The following NMT2 variants were observed in gnomAD, a reference collection of about 807,000 sequenced individuals.
NMT2 encodes the protein N-myristoyltransferase 2, also known as glycylpeptide N-tetradecanoyltransferase 2.
NMT2 carries 35 observed loss-of-function variants against 65.4 expected under a neutral mutation model. That is an observed-to-expected ratio of 0.54 (90% CI 0.41 to 0.71). The LOEUF (loss-of-function observed/expected upper bound fraction) is 0.71, where lower values mean the gene tolerates loss of function less well. Ranked by LOEUF, NMT2 falls within the 30% of genes least tolerant of loss-of-function variation. The probability of loss-of-function intolerance (pLI) is 0.00; values close to 1 mark genes in which losing one functional copy is unlikely to be tolerated. For missense variants in NMT2, 489 were observed against 611.3 expected (o/e 0.80, Z 2.11); for synonymous variants, 226 against 231.8 (o/e 0.98, Z 0.23).
chr10:15,125,491 T>C (rs748831194), intron 8 of NMT2, among the ~76,000 whole-genome samples: 1 of 152,226 alleles, frequency 6.6e-6, no homozygotes, highest in Non-Finnish European at 1.5e-5. Context: ...CTTCACTCCA[T>C]TGTAGGCAAC....
chr10:15,165,876 A>AC (rs892750468), intron 1 of NMT2, among the ~76,000 whole-genome samples: 2 of 74,648 alleles, frequency 2.7e-5, no homozygotes, highest in African/African-American at 3.2e-4. Context: ...AGACTGTCTC[A>AC]AAAAAAAAAA....
chr10:15,161,071 C>T (rs1185317882), intron 1 of NMT2, among the ~76,000 whole-genome samples: 25 of 98,500 alleles, frequency 2.5e-4, no homozygotes, highest in African/African-American at 8.7e-4. Flanking sequence ...CGAGACTCTG[C>T]CTCAAAAATC....
intron 9 of NMT2, among the ~76,000 whole-genome samples, chr10:15,113,463 C>CAAAAAAAA (rs1169255963): frequency 3.6e-3 from 134 of 36,808 alleles, no homozygotes; most frequent in Middle Eastern, 0.04. Context: ...GGATGAGACT[C>CAAAAAAAA]AAAAAAAAAA....
At chr10:15,155,059 T>A in intron 1 of NMT2, 1 of 1,300,326 alleles carries the variant, frequency 7.7e-7, no homozygotes, top group Non-Finnish European at 1.1e-6. Context: ...TGCTTCAGAA[T>A]GAAGTTCTCA....
intron 8 of NMT2, among the ~76,000 whole-genome samples, chr10:15,122,556 A>G (rs1845960107): frequency 6.6e-6 from 1 of 152,068 alleles, no homozygotes; most frequent in Non-Finnish European, 1.5e-5. Context: ...AGTAGCTAGG[A>G]TTACAAGCAC....
intron 1 of NMT2, among the ~76,000 whole-genome samples, chr10:15,151,007 C>G (rs1380637110): frequency 6.6e-6 from 1 of 151,790 alleles, no homozygotes; most frequent in Non-Finnish European, 1.5e-5. Context: ...TCTCCTAAAC[C>G]TGTACCATAT....
intron 1 of NMT2, among the ~76,000 whole-genome samples, chr10:15,144,150 A>G (rs757188113): frequency 4.3e-4 from 66 of 152,138 alleles, no homozygotes; most frequent in Non-Finnish European, 2.1e-4. Flanking sequence ...AGAAAGCGTC[A>G]CCATTTTTGT....
chr10:15,115,094 A>AC (rs1433387815), intron 9 of NMT2, among the ~76,000 whole-genome samples: 1 of 152,202 alleles, frequency 6.6e-6, no homozygotes, highest in African/African-American at 2.4e-5. Context: ...TCACTAGCAG[A>AC]CATACCCTGA....
At position 15,148,024 on chromosome 10, in the gene NMT2, T is replaced by C. The variant is rs1326998526; in HGVS notation, c.111-6467A>G. Among the ~76,000 whole-genome samples, 3 of 152,344 alleles carry C rather than the reference T, an allele frequency of 2.0e-5. No homozygotes were observed. The East Asian group carries it at 5.8e-4, about 29-fold the overall frequency. Reference sequence around the variant, plus strand: ...GAATATATACAAAGGTCTTTTCTCTTTCACATTTTATCTCTAGGATGGTAT... The same window carrying C: ...GAATATATACAAAGGTCTTTTCTCTCTCACATTTTATCTCTAGGATGGTAT... On this transcript the variant is annotated intron_variant, in intron 1 of 11. Transcript: ENST00000378165.
At chr10:15,154,232 G>C (rs72776119) in intron 1 of NMT2, among the ~76,000 whole-genome samples, 13,344 of 152,160 alleles carry the variant, frequency 0.088, 647 homozygotes, top group East Asian at 0.13. Context: ...CCCTCCAGGT[G>C]CCCAGAACAA....
chr10:15,147,095 C>CAAA lies in NMT2; in HGVS notation c.111-5541_111-5539dup, dbSNP rs34668178. ...CAACAGCGAAAGATCCTCTCGCTCT[C>CAAA]AAAAAAAAAAAAAAAAAAAAAAAAA... is the stretch of plus-strand genomic sequence containing the variant. On this transcript the variant is annotated intron_variant, in intron 1 of 11. Transcript: ENST00000378165. 1.1e-3 allele frequency among the ~76,000 whole-genome samples: 47 copies of CAAA among 44,516 alleles called. 7 individuals are homozygous for CAAA. Among genetic ancestry groups the CAAA allele is most frequent in the Non-Finnish European group, 1.4e-3 (28 of 19,618 alleles). The allele number at this position is 44,516 out of a possible 152,430, so 29.2% of individuals were successfully genotyped here. A position where few individuals can be genotyped will look rare whatever the true frequency, so the allele number is the denominator to read the frequency against.
chr10:15,154,845 C>A (rs575520023), intron 1 of NMT2: 2 of 779,124 alleles, frequency 2.6e-6, no homozygotes, highest in East Asian at 5.4e-5. Flanking sequence ...CCTGCTCTTG[C>A]CATTCTTGGA....
At chr10:15,135,926 G>A (rs181957772) in intron 2 of NMT2, among the ~76,000 whole-genome samples, 123 of 151,806 alleles carry the variant, frequency 8.1e-4, no homozygotes, top group Middle Eastern at 3.4e-3. Context: ...GAGAAAGAGA[G>A]AGAGAAAGAA....
intron 1 of NMT2, among the ~76,000 whole-genome samples, chr10:15,166,766 G>A (rs952961484): frequency 1.3e-5 from 2 of 152,096 alleles, no homozygotes; most frequent in Admixed American, 6.6e-5. Context: ...GAAAACTTCC[G>A]AAGGCAGCAC....
intron 1 of NMT2, among the ~76,000 whole-genome samples, chr10:15,157,597 T>A (rs1833045346): frequency 6.6e-6 from 1 of 152,056 alleles, no homozygotes; most frequent in Admixed American, 6.6e-5. Flanking sequence ...AAAGAGATGA[T>A]TAAGCCATGA....
chr10:15,106,200 G>T lies in NMT2; in HGVS notation c.*2995C>A, dbSNP rs933749592. ...GTAGAGATAGGGCTTCACCATGTTGGCCAGGCTGGTCTCAAGACTCCTGAC... is the reference window on the plus strand; with the variant it reads ...GTAGAGATAGGGCTTCACCATGTTGTCCAGGCTGGTCTCAAGACTCCTGAC... On this transcript the variant is annotated 3_prime_UTR_variant, in exon 12 of 12. Coordinates refer to ENST00000378165, the MANE Select transcript of NMT2 (RefSeq NM_004808.3). The T allele has an allele frequency of 1.9e-5, 4 of 212,878 alleles. No homozygotes were observed. Among genetic ancestry groups the T allele is most frequent in the Non-Finnish European group, 3.0e-5 (3 of 100,740 alleles). The allele number at this position is 212,878 out of a possible 1,614,324, so 13.2% of individuals were successfully genotyped here.
intron 1 of NMT2, among the ~76,000 whole-genome samples, chr10:15,162,114 T>A (rs2131635177): frequency 6.6e-6 from 1 of 151,958 alleles, no homozygotes; most frequent in Non-Finnish European, 1.5e-5. Flanking sequence ...TAGCCAGGTG[T>A]GGTGGCATGT....
intron 1 of NMT2, among the ~76,000 whole-genome samples, chr10:15,162,820 A>G (rs905367794): frequency 7.4e-5 from 11 of 147,880 alleles, no homozygotes; most frequent in Admixed American, 2.7e-4. Context: ...ATATATCTGT[A>G]TTTGATATTT....
chr10:15,155,121 G>A (rs1256528844), intron 1 of NMT2: 1 of 1,485,830 alleles, frequency 6.7e-7, no homozygotes, highest in Admixed American at 1.7e-5. Flanking sequence ...ATTATGGCAT[G>A]TAAAGTCACC....
Sources: allele counts gnomAD v4.1 joint callset (sites outside exome capture counted in the v4.1 genomes callset), GRCh38; gene constraint gnomAD v4.1.1; transcripts MANE v1.5; gene names NCBI Gene and HGNC (gene_info 2026-07-23, HGNC 2026-07-21).